The following PDE4B variants were observed in gnomAD, a reference collection of about 807,000 sequenced individuals.
PDE4B encodes the protein 3',5'-cyclic-AMP phosphodiesterase 4B.
Under a neutral mutation model 82.2 loss-of-function variants are expected in PDE4B, and 20 were observed. That is an observed-to-expected ratio of 0.24 (90% confidence interval 0.17 to 0.35). The LOEUF is 0.35. PDE4B is among the 10% of genes least tolerant of loss of function. The pLI is 1.00. For missense variants in PDE4B, 655 were observed against 907.2 expected (o/e 0.72, Z 3.57); for synonymous variants, 320 against 318.9 (o/e 1.00, Z -0.04).
intron 7 of PDE4B, among the ~76,000 whole-genome samples, chr1:66,305,792 A>C (rs1557690457): frequency 6.6e-6 from 1 of 152,188 alleles, no homozygotes; most frequent in Non-Finnish European, 1.5e-5. Context: ...TACTAAGTTC[A>C]ATATTAAGTA....
At chr1:66,008,249 G>A (rs1557493434) in intron 3 of PDE4B, among the ~76,000 whole-genome samples, 1 of 152,248 alleles carries the variant, frequency 6.6e-6, no homozygotes, top group South Asian at 2.1e-4. Flanking sequence ...GAAAGGTTAT[G>A]TTCCAGGCAT....
At chr1:65,951,979 G>A (rs1421162328) in intron 3 of PDE4B, among the ~76,000 whole-genome samples, 2 of 152,182 alleles carry the variant, frequency 1.3e-5, no homozygotes, top group Non-Finnish European at 2.9e-5. Flanking sequence ...GGTTTCACTC[G>A]TGTCTACTGA....
At chr1:66,185,825 G>A (rs11208811) in intron 3 of PDE4B, among the ~76,000 whole-genome samples, 146,333 of 151,846 alleles carry the variant, frequency 0.96, 70,744 homozygotes, top group East Asian at 1. Context: ...GCTGTGCAGA[G>A]GCTCTTTAGT....
intron 3 of PDE4B, among the ~76,000 whole-genome samples, chr1:66,235,777 A>T (rs939592868): frequency 2.6e-5 from 4 of 152,220 alleles, no homozygotes; most frequent in Middle Eastern, 3.2e-3. Flanking sequence ...GTTGAAAAAA[A>T]ATGTTTAGAC....
chr1:66,100,339 C>A (rs1488448994), intron 3 of PDE4B, among the ~76,000 whole-genome samples: 1 of 152,112 alleles, frequency 6.6e-6, no homozygotes, highest in African/African-American at 2.4e-5. Context: ...AGGTGTGAGC[C>A]ACTGTGTCCA....
intron 3 of PDE4B, among the ~76,000 whole-genome samples, chr1:66,073,489 A>T (rs1656266874): frequency 1.3e-5 from 2 of 152,090 alleles, no homozygotes; most frequent in African/African-American, 4.8e-5. Flanking sequence ...ACTAGGTACT[A>T]GCAGTCTTAG....
At chr1:66,093,903 GCCC>G (rs1368444369) in intron 3 of PDE4B, among the ~76,000 whole-genome samples, 16 of 152,084 alleles carry the variant, frequency 1.1e-4, no homozygotes, top group Non-Finnish European at 1.8e-4. Context: ...AATCATTTGG[GCCC>G]TTGATGTTCT....
intron 1 of PDE4B, among the ~76,000 whole-genome samples, chr1:65,856,889 T>A (rs1646399494): frequency 6.6e-6 from 1 of 152,158 alleles, no homozygotes; most frequent in Admixed American, 6.6e-5. Flanking sequence ...ACAGATATAC[T>A]CCTTCCTTCG....
At chr1:65,844,050 A>G (rs1446309895) in intron 1 of PDE4B, among the ~76,000 whole-genome samples, 1 of 152,130 alleles carries the variant, frequency 6.6e-6, no homozygotes, top group East Asian at 1.9e-4. Flanking sequence ...TTTGACCTTC[A>G]GAGAAACTAA....
chr1:66,141,925 G>A (rs933630236), intron 3 of PDE4B, among the ~76,000 whole-genome samples: 2 of 152,002 alleles, frequency 1.3e-5, no homozygotes, highest in Non-Finnish European at 2.9e-5. Context: ...GTTCCAAATC[G>A]AATATTACTT....
chr1:66,223,827 T>C (rs915835171), intron 3 of PDE4B, among the ~76,000 whole-genome samples: 1 of 152,176 alleles, frequency 6.6e-6, no homozygotes, highest in Non-Finnish European at 1.5e-5. Flanking sequence ...GCTACCCTTC[T>C]TTGATGTAGT....
intron 3 of PDE4B, among the ~76,000 whole-genome samples, chr1:66,028,875 C>T (rs1036550236): frequency 3.3e-5 from 5 of 152,308 alleles, no homozygotes; most frequent in Non-Finnish European, 7.4e-5. Context: ...TGGGCAAAGC[C>T]ATTCAAGAAG....
intron 1 of PDE4B, among the ~76,000 whole-genome samples, chr1:65,823,568 T>C (rs1343736958): frequency 1.3e-5 from 2 of 152,158 alleles, no homozygotes; most frequent in Non-Finnish European, 2.9e-5. Flanking sequence ...TTTGCAGTAC[T>C]CTTTTTACTG....
rs1043439713 is a variant in PDE4B at position 65,997,191 on chromosome 1, G to C, written c.281+78356G>C. Among the ~76,000 whole-genome samples, 55 of 126,930 alleles carry C rather than the reference G, an allele frequency of 4.3e-4. 1 individual carries two copies. The highest frequency in any genetic ancestry group is 1.7e-3 in the African/African-American group (53 of 31,970). The allele number at this position is 126,930 out of a possible 152,430, so 83.3% of individuals were successfully genotyped here. ...CCTGCTGCATTGCTGCTCCTTTTTG[G>C]AGCTCTCTTCTTGTATTTGTGAGGA... On this transcript the variant is annotated intron_variant, in intron 3 of 16. Coordinates refer to ENST00000341517, the MANE Select transcript of PDE4B (RefSeq NM_002600.4).
chr1:65,866,126 G>A (rs548407314), intron 1 of PDE4B, among the ~76,000 whole-genome samples: 1 of 152,216 alleles, frequency 6.6e-6, no homozygotes, highest in East Asian at 1.9e-4. Context: ...CCAATCTTGG[G>A]AAAGGGAGGG....
At chr1:66,250,403 A>G (rs551107710) in intron 4 of PDE4B, among the ~76,000 whole-genome samples, 3 of 152,250 alleles carry the variant, frequency 2.0e-5, no homozygotes, top group Admixed American at 6.5e-5. Context: ...AATAAAGGAA[A>G]CACTAGCTTT....
intron 9 of PDE4B, among the ~76,000 whole-genome samples, chr1:66,358,204 G>C (rs941082805): frequency 6.6e-6 from 1 of 152,124 alleles, no homozygotes; most frequent in African/African-American, 2.4e-5. Flanking sequence ...GCCAGAACTA[G>C]GACTTGGCTT....
At chr1:66,016,498 C>T (rs1326921047) in intron 3 of PDE4B, among the ~76,000 whole-genome samples, 1 of 152,096 alleles carries the variant, frequency 6.6e-6, no homozygotes, top group Non-Finnish European at 1.5e-5. Flanking sequence ...TCAATGTAAC[C>T]TTCTTCAGTT....
chr1:65,985,928 G>T (rs537740512), intron 3 of PDE4B, among the ~76,000 whole-genome samples: 2 of 152,186 alleles, frequency 1.3e-5, no homozygotes, highest in East Asian at 3.9e-4. Flanking sequence ...TTGCACTGCG[G>T]CAGGAATGTG....
Sources: gnomAD v4.1 joint callset for allele counts (sites outside exome capture counted in the v4.1 genomes callset) on GRCh38, gnomAD v4.1.1 for gene constraint, MANE v1.5 for transcripts, NCBI Gene and HGNC (gene_info 2026-07-23, HGNC 2026-07-21) for gene names.